Variants in PCBP2 observed in about 807,000 individuals in gnomAD.
PCBP2 encodes the protein poly(rC) binding protein 2.
PCBP2 carries 4 observed loss-of-function variants against 50.1 expected under a neutral mutation model. The ratio of observed to expected loss-of-function variants is 0.08; its 90% CI spans 0.04 to 0.18. The LOEUF is 0.18. Among genes scored for constraint, PCBP2 ranks in the 10% least tolerant of loss-of-function variants. PCBP2 has a pLI of 1.00. For missense variants in PCBP2, 161 were observed against 474.3 expected, an observed-to-expected ratio of 0.34 and a Z score of 6.14; for synonymous variants, 179 against 168.0, an observed-to-expected ratio of 1.07 and a Z score of -0.51.
At chr12:53,474,062 T>C (rs1592683197) in intron 14 of PCBP2, among the ~76,000 whole-genome samples, 1 of 152,232 alleles carries the variant, frequency 6.6e-6, no homozygotes, top group South Asian at 2.1e-4. Context: ...TTGGGAGACA[T>C]GTACCCTTAC....
At position 53,468,936 on chromosome 12, in the gene PCBP2, T is replaced by C. The variant is rs931602607; in HGVS notation, c.882+104T>C. The C allele has an allele frequency of 4.7e-6, 4 of 852,436 alleles. No homozygotes were observed. The East Asian group carries it at 1.0e-4, about 22-fold the overall frequency. 52.8% of individuals were successfully genotyped at this position (852,436 alleles called of 1,614,324 possible). ...GCTACCCTTTTTTTTTTTTTTTTTT[T>C]AAACAGCCCAGGCTGTAGTGCAGTG... On this transcript the variant is annotated intron_variant, in intron 13 of 14. Transcript: ENST00000546463.
intron 7 of PCBP2, among the ~76,000 whole-genome samples, 181 bp downstream of exon 7, chr12:53,461,324 T>G (rs1157360802): frequency 6.6e-6 from 1 of 152,228 alleles, no homozygotes; most frequent in African/African-American, 2.4e-5. Context: ...TTATGGTCTG[T>G]GAGCAAAAAT....
intron 13 of PCBP2, 67 bp from the exon 14 acceptor site, chr12:53,471,571 G>C: frequency 7.5e-7 from 1 of 1,336,160 alleles, no homozygotes; most frequent in Admixed American, 2.4e-5. Context: ...GGGGTGGGGG[G>C]GTGGGATTCT....
intron 2 of PCBP2, 62 bp downstream of exon 2, chr12:53,454,931 G>T: frequency 2.2e-6 from 3 of 1,349,572 alleles, no homozygotes; most frequent in Non-Finnish European, 3.2e-6. Flanking sequence ...AGGAAGAGCA[G>T]ACATGCATCT....
intron 1 of PCBP2, chr12:53,453,135 A>G (rs1020215697): frequency 4.0e-5 from 6 of 151,442 alleles, no homozygotes; most frequent in African/African-American, 1.5e-4. Flanking sequence ...TTCTTGGATT[A>G]CTTGGTTTGG....
In PCBP2 at chr12:53,455,923, T is replaced by G. The variant is rs200042190; in HGVS notation, c.165T>G (p.Pro55=). The change falls in exon 5 of 15, where the codon CCT becomes CCG. Residue 55 remains proline, a synonymous_variant. Transcript: ENST00000546463. ...TCAACATCTCAGAAGGGAATTGTCC[T>G]GAGAGAATTATCACTTTGGCTGGAC... ...ARINISEGNC[P]ERIITLAGPT... 6.6e-5 allele frequency: 106 copies of G among 1,613,118 alleles called. No individual in the cohort carries two copies. Among genetic ancestry groups the G allele is most frequent in the Non-Finnish European group, 8.9e-5 (105 of 1,179,056 alleles).
intron 11 of PCBP2, 162 bp downstream of exon 11, chr12:53,467,455 T>G (rs760429501): frequency 4.2e-6 from 3 of 712,638 alleles, no homozygotes; most frequent in South Asian, 1.5e-5. Context: ...GGTAATGTGT[T>G]TGTTAACGTG....
Position 53,468,852 on chromosome 12 carries a change from A to C in PCBP2, c.882+20A>C. On this transcript the variant is annotated intron_variant, in intron 13 of 14. Coordinates refer to ENST00000546463, the MANE Select transcript of PCBP2 (RefSeq NM_031989.5). Reference sequence around the variant, plus strand: ...AACGATGTAAGTGTAGTTAGGTTGCATGGGATGAAAATAAGAAAATAGACT... The same window carrying C: ...AACGATGTAAGTGTAGTTAGGTTGCCTGGGATGAAAATAAGAAAATAGACT... The C allele has an allele frequency of 1.3e-6, 2 of 1,585,164 alleles. No individual in the cohort carries two copies. The highest frequency in any genetic ancestry group is 1.7e-6 in the Non-Finnish European group (2 of 1,154,222).
intron 6 of PCBP2, 55 bp downstream of exon 6, chr12:53,459,458 T>C: frequency 6.5e-7 from 1 of 1,544,310 alleles, no homozygotes; most frequent in Non-Finnish European, 8.9e-7. Flanking sequence ...CCAAATTGGC[T>C]CTTTGTATGG....
At chr12:53,458,062 G>C (rs1941168542) in intron 5 of PCBP2, among the ~76,000 whole-genome samples, 1 of 150,406 alleles carries the variant, frequency 6.6e-6, no homozygotes, top group Non-Finnish European at 1.5e-5. Flanking sequence ...CCCAGTAGCT[G>C]GGATTATAGG....
intron 1 of PCBP2, among the ~76,000 whole-genome samples, 189 bp downstream of exon 1, chr12:53,452,565 C>T (rs983591743): frequency 6.7e-6 from 1 of 150,006 alleles, no homozygotes; most frequent in Non-Finnish European, 1.5e-5. Flanking sequence ...TAGTAGGCCT[C>T]GCGCAAGGCC....
chr12:53,465,836 A>G (rs755528577), intron 9 of PCBP2, 96 bp from the exon 10 acceptor site: 1 of 940,924 alleles, frequency 1.1e-6, no homozygotes, highest in Non-Finnish European at 1.7e-6. Flanking sequence ...CTCTAGTTCA[A>G]CTCTGGCTTC....
chr12:53,465,882 T>A, intron 9 of PCBP2, 50 bp from the exon 10 acceptor site: 13 of 1,463,362 alleles, frequency 8.9e-6, no homozygotes, highest in Non-Finnish European at 1.1e-5. Flanking sequence ...CCCCACTGGG[T>A]GGCTGTCCGT....
chr12:53,475,548 AC>A, intron 14 of PCBP2: 1 of 143,710 alleles, frequency 7.0e-6, no homozygotes, highest in Non-Finnish European at 1.5e-5. Flanking sequence ...TGCTTCGTTA[AC>A]TTTTTTTTTT....
intron 12 of PCBP2, 62 bp from the exon 13 acceptor site, chr12:53,468,715 T>A: frequency 8.3e-7 from 1 of 1,204,544 alleles, no homozygotes; most frequent in East Asian, 2.3e-5. Flanking sequence ...TAGTTTAATG[T>A]GCAAGTCAGT....
intron 12 of PCBP2, 188 bp downstream of exon 12, chr12:53,468,031 AATG>A (rs1941938202): frequency 1.7e-6 from 1 of 590,524 alleles, no homozygotes; most frequent in East Asian, 2.8e-5. Context: ...CCCTTCTAAA[AATG>A]ATGAGACAGC....
rs972916015 is a variant in PCBP2, at chr12:53,468,794, G to A, written c.844G>A (p.Ala282Thr). ...TCTTTTAGCAGGTTTGGATGCATCT[G>A]CTCAGACTACTTCTCATGAACTCAC... ...KGYWAGLDASAQTTSHELTIP... is the reference protein window; with the variant it reads ...KGYWAGLDASTQTTSHELTIP... Residue 282 changes from alanine to threonine, a missense_variant, in exon 13 of 15, where the codon GCT (alanine) becomes ACT (threonine). Coordinates refer to ENST00000546463, the MANE Select transcript of PCBP2 (RefSeq NM_031989.5). 3.1e-6 allele frequency: 5 copies of A among 1,613,618 alleles called. No individual in the cohort carries two copies. Among genetic ancestry groups the A allele is most frequent in the Non-Finnish European group, 4.2e-6 (5 of 1,179,574 alleles).
intron 12 of PCBP2, 67 bp from the exon 13 acceptor site, chr12:53,468,710 T>G (rs1487140952): frequency 3.5e-6 from 4 of 1,158,278 alleles, no homozygotes; most frequent in South Asian, 1.2e-5. Flanking sequence ...TCTGTTAGTT[T>G]AATGTGCAAG....
At position 53,455,988 on chromosome 12, in the gene PCBP2, A is replaced by G; in HGVS notation, c.230A>G (p.Asp77Gly). ...AIFKAFAMII[D>G]KLEEDISSSM... The stretch of plus-strand genomic sequence containing the variant: ...TTCAAAGCCTTTGCTATGATCATTG[A>G]CAAACTGGAAGAGGTTTGTTGTCTC... Residue 77 changes from aspartate (D) to glycine (G), a missense_variant, in exon 5 of 15, where the codon GAC becomes GGC. Transcript: ENST00000546463. The G allele has an allele frequency of 6.2e-7, 1 of 1,602,394 alleles. No individual in the cohort carries two copies. Among genetic ancestry groups the G allele is most frequent in the Non-Finnish European group, 8.6e-7 (1 of 1,169,470 alleles).
Sources: allele counts gnomAD v4.1 joint callset (sites outside exome capture counted in the v4.1 genomes callset), GRCh38; gene constraint gnomAD v4.1.1; transcripts MANE v1.5; gene names NCBI Gene and HGNC (gene_info 2026-07-23, HGNC 2026-07-21).